ANK2: variants seen among roughly 807,000 people sequenced by gnomAD.
ANK2 encodes ankyrin 2.
A neutral mutation model predicts 360.5 loss-of-function variants in ANK2; 83 were observed. The ratio of observed to expected loss-of-function variants is 0.23; its 90% CI spans 0.19 to 0.28. The LOEUF (loss-of-function observed/expected upper bound fraction) is 0.28. ANK2 is among the 10% of genes least tolerant of loss of function. ANK2 has a pLI of 1.00. For synonymous variants in ANK2, 1,740 were observed against 1,759.5 expected (o/e 0.99, Z 0.28); for missense variants, 4,201 against 4,795.7 (o/e 0.88, Z 3.66).
At chr4:113,018,012 G>A (rs942546420) in intron 2 of ANK2, among the ~76,000 whole-genome samples, 1 of 152,230 alleles carries the variant, frequency 6.6e-6, no homozygotes, top group African/African-American at 2.4e-5. Context: ...AAAGTTCAAA[G>A]TAATATGTGT....
At chr4:113,161,521 C>T (rs1341380088) in intron 1 of ANK2, among the ~76,000 whole-genome samples, 3 of 152,170 alleles carry the variant, frequency 2.0e-5, no homozygotes, top group African/African-American at 7.2e-5. Context: ...CTGACAATTA[C>T]AGTTCATAGC....
At chr4:113,215,462 T>C (rs1384906066) in intron 4 of ANK2, among the ~76,000 whole-genome samples, 1 of 152,172 alleles carries the variant, frequency 6.6e-6, no homozygotes, top group Non-Finnish European at 1.5e-5. Context: ...ATAAATTGAC[T>C]GGAGTTGAGA....
At chr4:112,933,767 T>C (rs1225993704) in intron 2 of ANK2, among the ~76,000 whole-genome samples, 1 of 152,186 alleles carries the variant, frequency 6.6e-6, no homozygotes, top group Admixed American at 6.5e-5. Context: ...CCCAACGTGC[T>C]GAGATTACAG....
At chr4:113,323,368 T>C (rs1004467378) in intron 26 of ANK2, among the ~76,000 whole-genome samples, 1 of 152,216 alleles carries the variant, frequency 6.6e-6, no homozygotes, top group Non-Finnish European at 1.5e-5. Context: ...GTTATTATCA[T>C]TATTTTTAAA....
chr4:112,883,529 A>T (rs2077395590), intron 1 of ANK2, among the ~76,000 whole-genome samples: 2 of 152,320 alleles, frequency 1.3e-5, no homozygotes, highest in East Asian at 3.9e-4. Flanking sequence ...AAAAACGATA[A>T]AAGTGAATCA....
intron 10 of ANK2, among the ~76,000 whole-genome samples, chr4:113,255,190 T>C (rs2048631983): frequency 6.6e-6 from 1 of 152,204 alleles, no homozygotes; most frequent in Non-Finnish European, 1.5e-5. Context: ...CTTACCTACC[T>C]GTTTTCTCCA....
chr4:113,353,608 A>G lies in ANK2; in HGVS notation c.4990A>G (p.Lys1664Glu). ...QLQTVQDKAG[K>E]KCEALAVGRS... ...GCAGACAGTTCAAGATAAGGCAGGG[A>G]AGAAATGTGAGGCTCTGGCTGTTGG... Residue 1664 changes from lysine (K) to glutamate (E), a missense_variant, in exon 38 of 46, where the codon AAG becomes GAG. Transcript: ENST00000357077. 1 of 1,614,090 alleles carries G rather than the reference A, an allele frequency of 6.2e-7. No individual in the cohort carries two copies. Among genetic ancestry groups the G allele is most frequent in the Non-Finnish European group, 8.5e-7 (1 of 1,179,976 alleles).
chr4:113,322,288 G>T (rs932198082), intron 26 of ANK2, among the ~76,000 whole-genome samples: 1 of 151,460 alleles, frequency 6.6e-6, no homozygotes, highest in African/African-American at 2.5e-5. Context: ...ATCAGTATCA[G>T]TATTAAAAAA....
intron 2 of ANK2, among the ~76,000 whole-genome samples, chr4:112,991,076 C>G (rs2046578979): frequency 6.6e-6 from 1 of 151,852 alleles, no homozygotes; most frequent in Non-Finnish European, 1.5e-5. Flanking sequence ...ATGGTGAAAC[C>G]CCGTCTCTAC....
intron 2 of ANK2, among the ~76,000 whole-genome samples, chr4:113,018,323 C>T (rs1456137258): frequency 1.3e-5 from 2 of 152,168 alleles, no homozygotes; most frequent in Non-Finnish European, 2.9e-5. Flanking sequence ...AGTCTTTGAC[C>T]ATCAATCAAA....
intron 1 of ANK2, among the ~76,000 whole-genome samples, chr4:113,110,870 G>A (rs1462676783): frequency 6.6e-6 from 1 of 152,188 alleles, no homozygotes; most frequent in Non-Finnish European, 1.5e-5. Context: ...CTGGAGACCT[G>A]ACACTTTATC....
chr4:113,047,054 G>A (rs1439974685), upstream of ANK2, among the ~76,000 whole-genome samples: 1 of 152,214 alleles, frequency 6.6e-6, no homozygotes, highest in African/African-American at 2.4e-5. Flanking sequence ...CTCTCCTATA[G>A]ATCCAGTTAC....
Position 112,957,624 on chromosome 4 carries a change from G to T in ANK2, c.21+53110G>T, listed in dbSNP as rs532687149. ...AGGCGCCCCTCACCTCCCGGACGGG[G>T]CGGCTGGCCGGGCGGGGGGCTGACC... On this transcript the variant is annotated intron_variant, in intron 2 of 30. Coordinates refer to the ANK2 transcript ENST00000503271. Among the ~76,000 whole-genome samples the T allele has an allele frequency of 4.6e-5, 7 of 151,628 alleles. No individual in the cohort carries two copies. In the South Asian group the frequency reaches 1.5e-3, roughly 32 times the overall value.
intron 41 of ANK2, 149 bp downstream of exon 41, chr4:113,365,331 G>T: frequency 1.2e-6 from 1 of 841,386 alleles, no homozygotes. Flanking sequence ...TCTTTTCCTT[G>T]CTACCCTGAG....
At chr4:113,145,165 A>G (rs2096782429) in intron 1 of ANK2, among the ~76,000 whole-genome samples, 1 of 152,198 alleles carries the variant, frequency 6.6e-6, no homozygotes, top group South Asian at 2.1e-4. Context: ...AATTATAAAA[A>G]CCAAAACTTC....
chr4:113,200,907 G>C (rs1471375181), intron 4 of ANK2, among the ~76,000 whole-genome samples: 1 of 152,034 alleles, frequency 6.6e-6, no homozygotes, highest in East Asian at 1.9e-4. Context: ...GGCTAGGGGA[G>C]GGATAGTATT....
intron 4 of ANK2, among the ~76,000 whole-genome samples, chr4:113,204,585 G>A (rs1033788379): frequency 6.6e-6 from 1 of 152,030 alleles, no homozygotes; most frequent in Non-Finnish European, 1.5e-5. Context: ...ACAATGAATA[G>A]TCTCATTTTG....
chr4:113,369,736 A>C lies in ANK2; in HGVS notation c.11541A>C (p.Val3847=). 6.2e-7 allele frequency: 1 copy of C among 1,614,160 alleles called. No individual in the cohort carries two copies. The highest frequency in any genetic ancestry group is 8.5e-7 in the Non-Finnish European group (1 of 1,180,012). The change falls in exon 43 of 46, where the codon GTA becomes GTC. Residue 3847 remains valine, a synonymous_variant. Coordinates refer to ENST00000357077, the MANE Select transcript of ANK2 (RefSeq NM_001148.6). ...EESSPRKTSL[V]IVESADNQPE... The stretch of plus-strand genomic sequence containing the variant: ...GCTCTCCGCGGAAAACCAGCCTCGT[A>C]ATAGTGGAGTCTGCCGATAACCAGC...
chr4:112,822,132 G>A (rs1047772089), intron 1 of ANK2, among the ~76,000 whole-genome samples: 1 of 151,816 alleles, frequency 6.6e-6, no homozygotes, highest in East Asian at 1.9e-4. Context: ...GCCGGGCACG[G>A]TGGCTTACGT....
Sources: gnomAD v4.1 joint callset for allele counts (sites outside exome capture counted in the v4.1 genomes callset) on GRCh38, gnomAD v4.1.1 for gene constraint, MANE v1.5 for transcripts, NCBI Gene and HGNC (gene_info 2026-07-23, HGNC 2026-07-21) for gene names.